KLF3: variants seen among roughly 807,000 people sequenced by gnomAD.
KLF3 encodes KLF transcription factor 3.
In KLF3, 6 loss-of-function variants were observed where a neutral mutation model predicts 32.7. That is an observed-to-expected ratio of 0.18 (90% CI 0.10 to 0.36). KLF3 has a LOEUF of 0.36. Ranked by LOEUF, KLF3 falls within the 10% of genes least tolerant of loss-of-function variation. The pLI, the probability that KLF3 is intolerant of heterozygous loss-of-function variation, is 1.00. For missense variants in KLF3, 338 were observed against 449.7 expected, an observed-to-expected ratio of 0.75 and a Z score of 2.25; for synonymous variants, 145 against 172.8, an observed-to-expected ratio of 0.84 and a Z score of 1.26.
At chr4:38,681,300 G>A (rs531849401) in intron 2 of KLF3, among the ~76,000 whole-genome samples, 1 of 152,286 alleles carries the variant, frequency 6.6e-6, no homozygotes, top group South Asian at 2.1e-4. Context: ...CAGCCCTTTT[G>A]TGTGTAAAAA....
intron 4 of KLF3, among the ~76,000 whole-genome samples, chr4:38,693,980 G>A (rs1259748981): frequency 2.0e-5 from 3 of 152,170 alleles, no homozygotes; most frequent in Admixed American, 6.5e-5. Flanking sequence ...TAGGGAGAAC[G>A]TCAGGCATGC....
At chr4:38,678,044 G>A (rs945068724) in intron 1 of KLF3, among the ~76,000 whole-genome samples, 2 of 152,062 alleles carry the variant, frequency 1.3e-5, no homozygotes, top group African/African-American at 4.8e-5. Flanking sequence ...CAAAACCATG[G>A]CTCCTTCCTT....
In KLF3 at chr4:38,675,386, C is replaced by G. The variant is rs1579119369; in HGVS notation, c.-39-5201C>G. 3.1e-5 allele frequency among the ~76,000 whole-genome samples: 4 copies of G among 127,810 alleles called. No individual in the cohort carries two copies. The East Asian group carries it at 8.2e-4, about 26-fold the overall frequency. The allele number at this position is 127,810 out of a possible 152,430, so 83.8% of individuals were successfully genotyped here. ...AGAATTTTTCATAAAAACAATTTTG[C>G]CCTTCCCCCCCCTTTTGGATGCAGT... On this transcript the variant is annotated intron_variant, in intron 1 of 5. Transcript: ENST00000261438.
chr4:38,693,428 C>G (rs1722945301), intron 4 of KLF3, among the ~76,000 whole-genome samples: 1 of 151,206 alleles, frequency 6.6e-6, no homozygotes, highest in African/African-American at 2.4e-5. Context: ...CTTAGCATGC[C>G]TGAAAAAGTG....
At chr4:38,676,290 A>C (rs756555764) in intron 1 of KLF3, among the ~76,000 whole-genome samples, 2 of 152,008 alleles carry the variant, frequency 1.3e-5, no homozygotes, top group Non-Finnish European at 2.9e-5. Flanking sequence ...AAAGTATAAA[A>C]CTAAGCCAGG....
chr4:38,683,557 G>A (rs116046524), intron 2 of KLF3, among the ~76,000 whole-genome samples: 184 of 150,980 alleles, frequency 1.2e-3, no homozygotes, highest in African/African-American at 4.2e-3. Flanking sequence ...GCAGCTCCCC[G>A]AGCTTCTGTT....
chr4:38,701,344 A>G lies in KLF3; in HGVS notation c.*4081A>G, dbSNP rs1181902542. ...TCTTGAAATACTTCTTGTATTTGTT[A>G]TTTATGAACCCCTGCCTGCTTCCAA... On this transcript the variant is annotated 3_prime_UTR_variant, in exon 6 of 6. Transcript: ENST00000261438. Among the ~76,000 whole-genome samples, 1 of 151,746 alleles carries G rather than the reference A, an allele frequency of 6.6e-6. No homozygotes were observed. The highest frequency in any genetic ancestry group is 1.5e-5 in the Non-Finnish European group (1 of 67,938).
chr4:38,697,351 T>C lies in KLF3; in HGVS notation c.*88T>C. ...CCCATTATCTAACACATTTTTTACATGTACATTTTAATTTGATTCAGCTGG... is the reference window on the plus strand; with the variant it reads ...CCCATTATCTAACACATTTTTTACACGTACATTTTAATTTGATTCAGCTGG... On this transcript the variant is annotated 3_prime_UTR_variant, in exon 6 of 6. Coordinates refer to ENST00000261438, the MANE Select transcript of KLF3 (RefSeq NM_016531.6). 1 of 1,223,240 alleles carries C rather than the reference T, an allele frequency of 8.2e-7. No individual in the cohort carries two copies. Among genetic ancestry groups the C allele is most frequent in the Non-Finnish European group, 1.1e-6 (1 of 879,170 alleles). 75.8% of individuals were successfully genotyped at this position (1,223,240 alleles called of 1,614,324 possible). A position where few individuals can be genotyped will look rare whatever the true frequency, so the allele number is the denominator to read the frequency against.
At chr4:38,665,307 G>GGGGACCCAGGGACAGATCCCTGGATC (rs1721996867) in intron 1 of KLF3, among the ~76,000 whole-genome samples, 1 of 152,128 alleles carries the variant, frequency 6.6e-6, no homozygotes, top group Admixed American at 6.5e-5. Flanking sequence ...CGAGCCTGAT[G>GGGGACCCAGGGACAGATCCCTGGATC]GGGACCCAGG....
intron 5 of KLF3, among the ~76,000 whole-genome samples, chr4:38,696,632 A>G (rs922581213): frequency 6.6e-5 from 10 of 152,238 alleles, no homozygotes; most frequent in African/African-American, 2.4e-4. Context: ...CAGATACTTC[A>G]GTTGTTAGAG....
chr4:38,680,776 C>T (rs1722498220), intron 2 of KLF3, 94 bp downstream of exon 2: 20 of 1,012,742 alleles, frequency 2.0e-5, no homozygotes, highest in East Asian at 2.7e-5. Flanking sequence ...CATGGCCGGG[C>T]GTGGTGGCTC....
At chr4:38,672,416 T>A (rs888286670) in intron 1 of KLF3, among the ~76,000 whole-genome samples, 37 of 151,930 alleles carry the variant, frequency 2.4e-4, no homozygotes, top group African/African-American at 8.9e-4. Context: ...ACTATCTAGG[T>A]AAGAAGAGGC....
At chr4:38,681,492 G>A (rs934358722) in intron 2 of KLF3, among the ~76,000 whole-genome samples, 7 of 152,172 alleles carry the variant, frequency 4.6e-5, no homozygotes, top group Non-Finnish European at 8.8e-5. Context: ...CAGCACCTTA[G>A]CGCTAAGCCA....
In KLF3 at chr4:38,671,591, C is replaced by T. The variant is rs1327349289; in HGVS notation, c.-40+7130C>T. Among the ~76,000 whole-genome samples, 1 of 152,146 alleles carries T rather than the reference C, an allele frequency of 6.6e-6. No homozygotes were observed. Among genetic ancestry groups the T allele is most frequent in the Non-Finnish European group, 1.5e-5 (1 of 68,034 alleles). ...GTTGGTGGTGTAATGTTGTCCTCTG[C>T]CTGGGGAGGTGGAAGAGTGGTGTGC... On this transcript the variant is annotated intron_variant, in intron 1 of 5. Coordinates refer to ENST00000261438, the MANE Select transcript of KLF3 (RefSeq NM_016531.6). The surrounding 1 kb of genome is among the most constrained non-coding windows in gnomAD (Gnocchi z 4.4).
At chr4:38,675,469 T>C (rs1360149601) in intron 1 of KLF3, among the ~76,000 whole-genome samples, 2 of 152,146 alleles carry the variant, frequency 1.3e-5, no homozygotes, top group Admixed American at 6.5e-5. Context: ...GACTAGCTAA[T>C]GTATTTCTAA....
intron 2 of KLF3, among the ~76,000 whole-genome samples, chr4:38,686,785 C>T (rs1722713764): frequency 6.6e-6 from 1 of 152,204 alleles, no homozygotes; most frequent in African/African-American, 2.4e-5. Context: ...CCATGAGGAC[C>T]TGACATCCAA....
chr4:38,700,160 G>C lies in KLF3; in HGVS notation c.*2897G>C, dbSNP rs931288295. The C allele has an allele frequency of 6.6e-6, 1 of 152,188 alleles. No homozygotes were observed. Among genetic ancestry groups the C allele is most frequent in the Non-Finnish European group, 1.5e-5 (1 of 68,026 alleles). The allele number at this position is 152,188 out of a possible 1,614,324, so 9.4% of individuals were successfully genotyped here. On this transcript the variant is annotated 3_prime_UTR_variant, in exon 6 of 6. Coordinates refer to ENST00000261438, the MANE Select transcript of KLF3 (RefSeq NM_016531.6). Reference sequence around the variant, plus strand: ...TGGGCATTAACATTCTAAATTGCTTGGTTTGGAGAATGTGTTAGCAGCATA... The same window carrying C: ...TGGGCATTAACATTCTAAATTGCTTCGTTTGGAGAATGTGTTAGCAGCATA...
rs1304313607 is a variant in KLF3, at chr4:38,700,258, A to G, written c.*2995A>G. 1 of 152,234 alleles carries G rather than the reference A, an allele frequency of 6.6e-6. No homozygotes were observed. 9.4% of individuals were successfully genotyped at this position (152,234 alleles called of 1,614,324 possible). A position where few individuals can be genotyped will look rare whatever the true frequency, so the allele number is the denominator to read the frequency against. On this transcript the variant is annotated 3_prime_UTR_variant, in exon 6 of 6. Transcript: ENST00000261438. ...CTTGGAACAGAATTACAGGGGAACT[A>G]TATATGTATATGTATATTTTATTAA...
Position 38,697,290 on chromosome 4 carries a change from A to C in KLF3, c.*27A>C, listed in dbSNP as rs752729204. 6.4e-7 allele frequency: 1 copy of C among 1,559,962 alleles called. No homozygotes were observed. The highest frequency in any genetic ancestry group is 8.7e-7 in the Non-Finnish European group (1 of 1,148,052). On this transcript the variant is annotated 3_prime_UTR_variant, in exon 6 of 6. Coordinates refer to ENST00000261438, the MANE Select transcript of KLF3 (RefSeq NM_016531.6). Reference sequence around the variant, plus strand: ...TGCCTCTGTGTCCTGCCTCAGCGTGACTCCCCACTCACCTGGCTCTCTCTC... The same window carrying C: ...TGCCTCTGTGTCCTGCCTCAGCGTGCCTCCCCACTCACCTGGCTCTCTCTC...
Sources: allele counts gnomAD v4.1 joint callset (sites outside exome capture counted in the v4.1 genomes callset), GRCh38; gene constraint gnomAD v4.1.1; non-coding constraint Gnocchi (gnomAD v3.1); transcripts MANE v1.5; gene names NCBI Gene and HGNC (gene_info 2026-07-23, HGNC 2026-07-21).